Variants in LDLRAD3 observed in about 807,000 individuals in gnomAD.
The protein encoded by LDLRAD3 is low-density lipoprotein receptor class A domain-containing protein 3.
In LDLRAD3, 20 loss-of-function variants were observed where a neutral mutation model predicts 29.4. The observed-to-expected ratio is 0.68, with a 90% CI of 0.48 to 0.99. LDLRAD3 has a LOEUF of 0.99. Ranked by LOEUF, LDLRAD3 falls within the 50% of genes least tolerant of loss-of-function variation. The pLI is 0.00. For missense variants in LDLRAD3, 420 were observed against 454.3 expected (o/e 0.92, Z 0.69); for synonymous variants, 157 against 192.7 (o/e 0.81, Z 1.53).
intron 2 of LDLRAD3, among the ~76,000 whole-genome samples, chr11:36,058,742 T>C (rs938748429): frequency 6.6e-6 from 1 of 152,216 alleles, no homozygotes; most frequent in Non-Finnish European, 1.5e-5. Flanking sequence ...CATTTGGCAA[T>C]GTATAGAGAC....
chr11:36,131,567 A>G (rs1463761067), intron 4 of LDLRAD3, among the ~76,000 whole-genome samples: 1 of 152,204 alleles, frequency 6.6e-6, no homozygotes, highest in Non-Finnish European at 1.5e-5. Context: ...TATTCCTATT[A>G]TTGGGGATGC....
intron 1 of LDLRAD3, among the ~76,000 whole-genome samples, chr11:35,973,712 A>G (rs1036009541): frequency 6.6e-6 from 1 of 151,898 alleles, no homozygotes; most frequent in Non-Finnish European, 1.5e-5. Context: ...CTTAGGTGAT[A>G]TGCCCACCTC....
intron 4 of LDLRAD3, among the ~76,000 whole-genome samples, chr11:36,144,753 G>C (rs867064117): frequency 0.084 from 11,122 of 133,008 alleles, 2,041 homozygotes; most frequent in African/African-American, 0.34. Flanking sequence ...GTCCGGGAGG[G>C]AGGTGGGGGT....
chr11:36,039,579 A>G (rs1178582402), intron 2 of LDLRAD3, among the ~76,000 whole-genome samples: 1 of 152,240 alleles, frequency 6.6e-6, no homozygotes, highest in African/African-American at 2.4e-5. Flanking sequence ...TGTAAACATT[A>G]ACTGCTATTG....
chr11:36,032,299 C>T (rs1239499600), intron 1 of LDLRAD3, among the ~76,000 whole-genome samples: 1 of 152,150 alleles, frequency 6.6e-6, no homozygotes, highest in Non-Finnish European at 1.5e-5. Context: ...GGAGGCCTCA[C>T]AGCAGGGGGC....
At chr11:36,067,558 A>G (rs1434950685) in intron 2 of LDLRAD3, among the ~76,000 whole-genome samples, 1 of 152,174 alleles carries the variant, frequency 6.6e-6, no homozygotes, top group Non-Finnish European at 1.5e-5. Context: ...CTATTTCCTG[A>G]TAAGGAAATT....
intron 4 of LDLRAD3, among the ~76,000 whole-genome samples, chr11:36,152,528 C>G (rs957872076): frequency 6.6e-6 from 1 of 152,146 alleles, no homozygotes; most frequent in African/African-American, 2.4e-5. Flanking sequence ...AGCCCCTACC[C>G]GTGTCCCTAT....
intron 1 of LDLRAD3, among the ~76,000 whole-genome samples, chr11:35,991,427 C>T (rs917961688): frequency 2.0e-5 from 3 of 151,950 alleles, no homozygotes; most frequent in Non-Finnish European, 2.9e-5. Context: ...CGTATTATGC[C>T]GGAACATGGT....
chr11:36,219,390 A>G (rs1855397677), intron 4 of LDLRAD3, among the ~76,000 whole-genome samples: 1 of 152,194 alleles, frequency 6.6e-6, no homozygotes, highest in Non-Finnish European at 1.5e-5. Context: ...AAGACACACT[A>G]CCTCATTTCG....
At chr11:36,127,558 G>T (rs1485637840) in intron 4 of LDLRAD3, among the ~76,000 whole-genome samples, 1 of 152,176 alleles carries the variant, frequency 6.6e-6, no homozygotes, top group Non-Finnish European at 1.5e-5. Flanking sequence ...GCTTGATGCT[G>T]CTGGGTTAGT....
intron 1 of LDLRAD3, among the ~76,000 whole-genome samples, chr11:35,984,284 AT>A (rs374763256): frequency 7.3e-5 from 11 of 149,992 alleles, no homozygotes; most frequent in South Asian, 4.3e-4. Flanking sequence ...TGCATTAGGC[AT>A]TTTTTTTTTC....
At chr11:35,945,916 G>A (rs1224986180) in intron 1 of LDLRAD3, among the ~76,000 whole-genome samples, 1 of 152,194 alleles carries the variant, frequency 6.6e-6, no homozygotes, top group Admixed American at 6.5e-5. Context: ...AATGGTCATA[G>A]CAAGGAGCAG....
At chr11:36,198,953 T>G (rs1371661913) in intron 4 of LDLRAD3, among the ~76,000 whole-genome samples, 2 of 152,110 alleles carry the variant, frequency 1.3e-5, no homozygotes, top group African/African-American at 4.8e-5. Context: ...CAGGCTGGAA[T>G]GGAATGGCGC....
chr11:36,193,333 G>A (rs1398005676), intron 4 of LDLRAD3, among the ~76,000 whole-genome samples: 4 of 151,966 alleles, frequency 2.6e-5, no homozygotes, highest in Non-Finnish European at 5.9e-5. Context: ...CCTTTTGTCT[G>A]GCCACCAAAA....
At chr11:36,120,534 A>G (rs1344647512) in intron 4 of LDLRAD3, among the ~76,000 whole-genome samples, 1 of 152,110 alleles carries the variant, frequency 6.6e-6, no homozygotes, top group East Asian at 1.9e-4. Context: ...TGAAAAAAAA[A>G]GAAACCTTGG....
At chr11:35,950,843 G>C (rs999072075) in intron 1 of LDLRAD3, among the ~76,000 whole-genome samples, 12 of 152,056 alleles carry the variant, frequency 7.9e-5, no homozygotes, top group African/African-American at 1.9e-4. Context: ...CAGCACTTTG[G>C]GGGGCCGAGG....
Position 36,003,366 on chromosome 11 carries a change from A to G in LDLRAD3, c.47-32737A>G, listed in dbSNP as rs114261811. ...GGGTGTGTTGCTTTTCTTCCATATT[A>G]ACTGTATTTTCTCAGCCTTTCCTGT... On this transcript the variant is annotated intron_variant, in intron 1 of 5. Coordinates refer to ENST00000315571, the MANE Select transcript of LDLRAD3 (RefSeq NM_174902.4). 3.0e-3 allele frequency among the ~76,000 whole-genome samples: 463 copies of G among 152,268 alleles called. 6 individuals are homozygous for G. The highest frequency in any genetic ancestry group is 0.011 in the African/African-American group (445 of 41,532).
chr11:36,000,606 GC>G (rs1428378092), intron 1 of LDLRAD3, among the ~76,000 whole-genome samples: 1 of 152,150 alleles, frequency 6.6e-6, no homozygotes, highest in African/African-American at 2.4e-5. Flanking sequence ...AATATTTAAT[GC>G]TGTTAAACGG....
chr11:36,106,057 G>A (rs372045055), intron 4 of LDLRAD3, among the ~76,000 whole-genome samples: 5 of 152,186 alleles, frequency 3.3e-5, no homozygotes, highest in Admixed American at 2.6e-4. Flanking sequence ...ACAGTTGCCG[G>A]TAAAGAATCC....
Sources: allele counts gnomAD v4.1 joint callset (sites outside exome capture counted in the v4.1 genomes callset), GRCh38; gene constraint gnomAD v4.1.1; transcripts MANE v1.5; gene names NCBI Gene and HGNC (gene_info 2026-07-23, HGNC 2026-07-21).